The following TBRG1 variants were observed in gnomAD, a reference collection of about 807,000 sequenced individuals.
TBRG1 encodes the protein nuclear interactor of ARF and MDM2.
TBRG1 carries 31 observed loss-of-function variants against 44.0 expected under a neutral mutation model. The observed-to-expected ratio is 0.70, with a 90% CI of 0.53 to 0.95. The LOEUF (loss-of-function observed/expected upper bound fraction) is 0.95. Among genes scored for constraint, TBRG1 ranks in the 40% least tolerant of loss-of-function variants. TBRG1 has a pLI of 0.00. For synonymous variants in TBRG1, 171 were observed against 188.1 expected, an observed-to-expected ratio of 0.91 and a Z score of 0.74; for missense variants, 487 against 496.1, an observed-to-expected ratio of 0.98 and a Z score of 0.18.
Position 124,623,038 on chromosome 11 carries a change from A to T in TBRG1, c.-46A>T. 2 of 1,493,652 alleles carry T rather than the reference A, an allele frequency of 1.3e-6. No homozygotes were observed. The highest frequency in any genetic ancestry group is 4.9e-5 in the East Asian group (2 of 40,560). 92.5% of individuals were successfully genotyped at this position (1,493,652 alleles called of 1,614,324 possible). A position where few individuals can be genotyped will look rare whatever the true frequency, so the allele number is the denominator to read the frequency against. Reference sequence around the variant, plus strand: ...GCTCCCGCCCGCTCCCCGACTTAGGATCCGATGCCGGCAGCGTCCTGGGGC... The same window carrying T: ...GCTCCCGCCCGCTCCCCGACTTAGGTTCCGATGCCGGCAGCGTCCTGGGGC... On this transcript the variant is annotated 5_prime_UTR_variant, in exon 1 of 9. Coordinates refer to ENST00000441174, the MANE Select transcript of TBRG1 (RefSeq NM_032811.3).
rs1203356182 is a variant in TBRG1, at chr11:124,631,194, T to C, written c.948-81T>C. On this transcript the variant is annotated intron_variant, in intron 7 of 8. Transcript: ENST00000441174. ...TATATGGGCGGAATATAAAGAAAAATTACCTGATCCCTTTAGTGATAGGAA... is the reference window on the plus strand; with the variant it reads ...TATATGGGCGGAATATAAAGAAAAACTACCTGATCCCTTTAGTGATAGGAA... The C allele has an allele frequency of 1.2e-5, 17 of 1,373,434 alleles. No homozygotes were observed. In the Admixed American group the frequency reaches 1.9e-4, roughly 15 times the overall value. The allele number at this position is 1,373,434 out of a possible 1,614,324, so 85.1% of individuals were successfully genotyped here.
chr11:124,627,858 A>C (rs915191820), intron 5 of TBRG1, among the ~76,000 whole-genome samples: 3 of 152,048 alleles, frequency 2.0e-5, no homozygotes, highest in Non-Finnish European at 4.4e-5. Context: ...ATGCAATGCA[A>C]ATCTAATCAA....
At position 124,625,701 on chromosome 11, in the gene TBRG1, G is replaced by C; in HGVS notation, c.252G>C (p.Gln84His). The C allele has an allele frequency of 1.3e-6, 2 of 1,552,804 alleles. No individual in the cohort carries two copies. The highest frequency in any genetic ancestry group is 8.7e-7 in the Non-Finnish European group (1 of 1,147,484). ...TGCTAAAGAAGCTCCTCCAGCTTCAGGCTCTAACTGAAGGGGAAGTACAGG... is the reference window on the plus strand; with the variant it reads ...TGCTAAAGAAGCTCCTCCAGCTTCACGCTCTAACTGAAGGGGAAGTACAGG... ...RYLLKKLLQL[Q>H]ALTEGEVQAA... The change falls in exon 3 of 9, where the codon CAG (glutamine) becomes CAC (histidine). Residue 84 changes from glutamine (Q) to histidine (H), a missense_variant. Coordinates refer to ENST00000441174, the MANE Select transcript of TBRG1 (RefSeq NM_032811.3).
chr11:124,626,020 C>T lies in TBRG1; in HGVS notation c.454+117C>T, dbSNP rs550007136. 3.3e-5 allele frequency: 46 copies of T among 1,377,524 alleles called. No individual in the cohort carries two copies. In the African/African-American group the frequency reaches 6.4e-4, roughly 19 times the overall value. 85.3% of individuals were successfully genotyped at this position (1,377,524 alleles called of 1,614,324 possible). A position where few individuals can be genotyped will look rare whatever the true frequency, so the allele number is the denominator to read the frequency against. Reference sequence around the variant, plus strand: ...GATGTACTTAGAGTCTCATCTGGTTCTTAAGGAGCCCTAGGAGCCCTTGAG... The same window carrying T: ...GATGTACTTAGAGTCTCATCTGGTTTTTAAGGAGCCCTAGGAGCCCTTGAG... On this transcript the variant is annotated intron_variant, in intron 3 of 8. Transcript: ENST00000441174.
Position 124,633,158 on chromosome 11 carries a change from G to A in TBRG1, c.*920G>A, listed in dbSNP as rs2134340389. On this transcript the variant is annotated 3_prime_UTR_variant, in exon 9 of 9. Transcript: ENST00000441174. ...ACCTTTGTATTGCACCTCAGATAAT[G>A]TGCTTTTTAGCTCAGTACACTGAAA... 1 of 152,242 alleles carries A rather than the reference G, an allele frequency of 6.6e-6. No individual in the cohort carries two copies. The highest frequency in any genetic ancestry group is 3.4e-3 in the Middle Eastern group (1 of 292). The allele number at this position is 152,242 out of a possible 1,614,324, so 9.4% of individuals were successfully genotyped here.
chr11:124,628,955 T>A (rs1228658300), intron 5 of TBRG1, among the ~76,000 whole-genome samples: 1 of 152,112 alleles, frequency 6.6e-6, no homozygotes, highest in East Asian at 1.9e-4. Context: ...AGAAAATGGT[T>A]AAGTAAAATA....
At chr11:124,626,431 T>G in intron 3 of TBRG1, 42 bp from the exon 4 acceptor site, 4 of 1,476,196 alleles carry the variant, frequency 2.7e-6, no homozygotes, top group Non-Finnish European at 3.6e-6. Context: ...CCTTCAACAT[T>G]GGAAGGGGCC....
intron 5 of TBRG1, among the ~76,000 whole-genome samples, chr11:124,627,579 A>C (rs912701735): frequency 2.0e-5 from 3 of 152,232 alleles, no homozygotes; most frequent in Non-Finnish European, 2.9e-5. Context: ...AAACAAAAAA[A>C]TAGACCATTT....
Position 124,622,927 on chromosome 11 carries a change from T to C in TBRG1, c.-157T>C. The C allele has an allele frequency of 5.1e-6, 4 of 784,582 alleles. No individual in the cohort carries two copies. The highest frequency in any genetic ancestry group is 1.9e-5 in the South Asian group (1 of 51,852). The allele number at this position is 784,582 out of a possible 1,614,324, so 48.6% of individuals were successfully genotyped here. On this transcript the variant is annotated 5_prime_UTR_variant, in exon 1 of 9. Transcript: ENST00000441174. Reference sequence around the variant, plus strand: ...GAGCCCGTTCGGTTGCGGGTGTCTCTGGCCCTGCGGTCAGCCCTGGGAACG... The same window carrying C: ...GAGCCCGTTCGGTTGCGGGTGTCTCCGGCCCTGCGGTCAGCCCTGGGAACG...
intron 8 of TBRG1, chr11:124,631,798 C>T: frequency 2.3e-6 from 1 of 435,410 alleles, no homozygotes; most frequent in Non-Finnish European, 4.1e-6. Flanking sequence ...GTTCCTCCCA[C>T]AAATGAGTGA....
chr11:124,628,116 T>TATATACACAC (rs1565400621), intron 5 of TBRG1, among the ~76,000 whole-genome samples: 2 of 41,944 alleles, frequency 4.8e-5, no homozygotes, highest in Admixed American at 3.3e-4. Context: ...TATATATATA[T>TATATACACAC]ACACACACAC....
Position 124,629,313 on chromosome 11 carries a change from T to C in TBRG1, c.739-1075T>C, listed in dbSNP as rs376951859. ...AAGATCACGCCACTGCACTCCAGCC[T>C]GGGCGACAGAGCAAGATTCCATCTC... On this transcript the variant is annotated intron_variant, in intron 5 of 8. Coordinates refer to ENST00000441174, the MANE Select transcript of TBRG1 (RefSeq NM_032811.3). 3.3e-5 allele frequency among the ~76,000 whole-genome samples: 5 copies of C among 151,790 alleles called. No homozygotes were observed. In the East Asian group the frequency reaches 9.7e-4, roughly 29 times the overall value.
intron 2 of TBRG1, 75 bp downstream of exon 2, chr11:124,625,076 T>C (rs749028566): frequency 9.4e-7 from 1 of 1,059,806 alleles, no homozygotes; most frequent in Non-Finnish European, 1.4e-6. Context: ...GTGTTACTGC[T>C]CTGGAGACTT....
chr11:124,628,425 T>C (rs12791845), intron 5 of TBRG1, among the ~76,000 whole-genome samples: 187 of 148,868 alleles, frequency 1.3e-3, no homozygotes, highest in African/African-American at 4.1e-3. Context: ...AAAGACACCA[T>C]GATCAGAGTT....
intron 2 of TBRG1, among the ~76,000 whole-genome samples, chr11:124,625,248 C>G (rs1420856504): frequency 6.6e-6 from 1 of 152,198 alleles, no homozygotes; most frequent in East Asian, 1.9e-4. Flanking sequence ...AGCCATCTTG[C>G]CACATCTAAT....
At chr11:124,625,636 G>T (rs1373656751) in intron 2 of TBRG1, 35 bp from the exon 3 acceptor site, 1 of 1,536,818 alleles carries the variant, frequency 6.5e-7, no homozygotes, top group African/African-American at 1.4e-5. Flanking sequence ...CAATACGGAA[G>T]TTCATTTCTC....
rs1408221671 is a variant in TBRG1 at position 124,635,833 on chromosome 11, A to G, written c.*3595A>G. ...CTTTTATTTATTTCCAACTTCTTAT[A>G]GGTAACATAATTTTCAGACAATGTT... On this transcript the variant is annotated 3_prime_UTR_variant, in exon 9 of 9. Coordinates refer to ENST00000441174, the MANE Select transcript of TBRG1 (RefSeq NM_032811.3). The G allele has an allele frequency of 6.6e-6, 1 of 152,224 alleles. No homozygotes were observed. Among genetic ancestry groups the G allele is most frequent in the African/African-American group, 2.4e-5 (1 of 41,456 alleles). The allele number at this position is 152,224 out of a possible 1,614,324, so 9.4% of individuals were successfully genotyped here.
In TBRG1 at chr11:124,633,791, G is replaced by C. The variant is rs1047175919; in HGVS notation, c.*1553G>C. On this transcript the variant is annotated 3_prime_UTR_variant, in exon 9 of 9. Coordinates refer to ENST00000441174, the MANE Select transcript of TBRG1 (RefSeq NM_032811.3). Reference sequence around the variant, plus strand: ...TCTGCATAAATGGCTTGAGCATACTGGCATTTACACAGAAATGATATATGC... The same window carrying C: ...TCTGCATAAATGGCTTGAGCATACTCGCATTTACACAGAAATGATATATGC... 6.6e-6 allele frequency: 1 copy of C among 152,102 alleles called. No homozygotes were observed. Among genetic ancestry groups the C allele is most frequent in the African/African-American group, 2.4e-5 (1 of 41,416 alleles). The allele number at this position is 152,102 out of a possible 1,614,324, so 9.4% of individuals were successfully genotyped here.
chr11:124,632,402 G>C lies in TBRG1; in HGVS notation c.*164G>C. On this transcript the variant is annotated 3_prime_UTR_variant, in exon 9 of 9. Transcript: ENST00000441174. Reference sequence around the variant, plus strand: ...ATGGTTTTCCCTGGGAAAACCTTCAGCTGCTTTATTTTTAGTAATAAATTT... The same window carrying C: ...ATGGTTTTCCCTGGGAAAACCTTCACCTGCTTTATTTTTAGTAATAAATTT... 2.0e-6 allele frequency: 1 copy of C among 498,536 alleles called. No individual in the cohort carries two copies. Among genetic ancestry groups the C allele is most frequent in the Admixed American group, 3.6e-5 (1 of 27,698 alleles). 30.9% of individuals were successfully genotyped at this position (498,536 alleles called of 1,614,324 possible). A position where few individuals can be genotyped will look rare whatever the true frequency, so the allele number is the denominator to read the frequency against.
Sources: gnomAD v4.1 joint callset for allele counts (sites outside exome capture counted in the v4.1 genomes callset) on GRCh38, gnomAD v4.1.1 for gene constraint, MANE v1.5 for transcripts, NCBI Gene and HGNC (gene_info 2026-07-23, HGNC 2026-07-21) for gene names.